The following CFAP20DC variants were observed in gnomAD, a reference collection of about 807,000 sequenced individuals.
CFAP20DC encodes protein CFAP20DC.
A neutral mutation model predicts 101.7 loss-of-function variants in CFAP20DC; 84 were observed. That is an observed-to-expected ratio of 0.83 (90% CI 0.69 to 0.99). CFAP20DC has a LOEUF of 0.99. Ranked by LOEUF, CFAP20DC falls within the 50% of genes least tolerant of loss-of-function variation. CFAP20DC has a pLI of 0.00. For missense variants in CFAP20DC, 1,007 were observed against 970.3 expected (o/e 1.04, Z -0.50); for synonymous variants, 359 against 351.2 (o/e 1.02, Z -0.25).
chr3:58,981,101 T>G (rs1295503422), intron 4 of CFAP20DC, among the ~76,000 whole-genome samples: 1 of 152,150 alleles, frequency 6.6e-6, no homozygotes, highest in Non-Finnish European at 1.5e-5. Context: ...GAACTCCCAT[T>G]CACAATTGCT....
intron 7 of CFAP20DC, 94 bp from the exon 8 acceptor site, chr3:58,870,403 T>A (rs185332562): frequency 7.7e-7 from 1 of 1,297,330 alleles, no homozygotes; most frequent in Non-Finnish European, 1.1e-6. Flanking sequence ...CCAGGTGCCA[T>A]AGGATCCAAA....
intron 4 of CFAP20DC, among the ~76,000 whole-genome samples, chr3:58,990,847 A>C (rs1206565437): frequency 6.6e-6 from 1 of 151,784 alleles, no homozygotes; most frequent in Non-Finnish European, 1.5e-5. Context: ...TTTGGTACCA[A>C]GCATTTCAAA....
At chr3:59,025,729 A>G (rs1405606726) in intron 4 of CFAP20DC, among the ~76,000 whole-genome samples, 2 of 152,152 alleles carry the variant, frequency 1.3e-5, no homozygotes, top group South Asian at 2.1e-4. Flanking sequence ...GTGCCCTGAT[A>G]ATTGATATGG....
chr3:58,809,401 C>T (rs1575705731), intron 14 of CFAP20DC, among the ~76,000 whole-genome samples: 2 of 152,178 alleles, frequency 1.3e-5, no homozygotes, highest in African/African-American at 4.8e-5. Flanking sequence ...AAGAAACTCA[C>T]TTAAAACCGC....
At chr3:58,808,035 A>G (rs144820542) in intron 14 of CFAP20DC, among the ~76,000 whole-genome samples, 8,417 of 152,192 alleles carry the variant, frequency 0.055, 519 homozygotes, top group East Asian at 0.35. Context: ...AAAGAAATGA[A>G]CAAAGCCTCC....
chr3:59,013,948 C>T (rs1038011026), intron 4 of CFAP20DC, among the ~76,000 whole-genome samples: 10 of 152,066 alleles, frequency 6.6e-5, no homozygotes, highest in Non-Finnish European at 1.5e-4. Context: ...AAATATTTGC[C>T]AACAGGATGA....
intron 15 of CFAP20DC, among the ~76,000 whole-genome samples, chr3:58,770,180 C>A (rs764988187): frequency 2.0e-5 from 3 of 152,194 alleles, no homozygotes; most frequent in Non-Finnish European, 4.4e-5. Flanking sequence ...CAAATCCAGA[C>A]ATCAGGCATT....
chr3:58,777,988 G>A (rs1581195), intron 15 of CFAP20DC, among the ~76,000 whole-genome samples: 4,161 of 152,274 alleles, frequency 0.027, 193 homozygotes, highest in African/African-American at 0.093. Context: ...GGAAGCCACA[G>A]GTAGTAATCC....
chr3:58,956,846 T>G (rs1295728700), intron 4 of CFAP20DC, among the ~76,000 whole-genome samples: 2 of 152,100 alleles, frequency 1.3e-5, no homozygotes, highest in African/African-American at 4.8e-5. Context: ...AGGGGAACAA[T>G]GACTGCCCAG....
chr3:58,770,167 G>A (rs910435208), intron 15 of CFAP20DC, among the ~76,000 whole-genome samples: 5 of 152,126 alleles, frequency 3.3e-5, no homozygotes, highest in Non-Finnish European at 5.9e-5. Context: ...AACTCTGGAG[G>A]CACAAATCCA....
intron 5 of CFAP20DC, among the ~76,000 whole-genome samples, chr3:58,927,720 T>C (rs1308576744): frequency 1.3e-5 from 2 of 152,186 alleles, no homozygotes; most frequent in East Asian, 3.8e-4. Context: ...AAGAGTGCTT[T>C]GGCAAAAACA....
intron 14 of CFAP20DC, among the ~76,000 whole-genome samples, chr3:58,816,347 G>C (rs955541339): frequency 6.6e-6 from 1 of 152,174 alleles, no homozygotes; most frequent in African/African-American, 2.4e-5. Flanking sequence ...CGACGCAGAA[G>C]ACGGGTGACT....
At chr3:58,990,702 T>C (rs545997154) in intron 4 of CFAP20DC, among the ~76,000 whole-genome samples, 75 of 152,112 alleles carry the variant, frequency 4.9e-4, no homozygotes, top group African/African-American at 1.7e-3. Flanking sequence ...TCAAAGGAAA[T>C]GCTCACTGGA....
At chr3:58,890,426 G>A (rs1159572276) in intron 6 of CFAP20DC, among the ~76,000 whole-genome samples, 7 of 142,984 alleles carry the variant, frequency 4.9e-5, no homozygotes, top group East Asian at 2.1e-4. Context: ...GTGGCTGGCC[G>A]GGCGGGGGGG....
intron 7 of CFAP20DC, 135 bp from the exon 8 acceptor site, chr3:58,870,444 A>T: frequency 1.3e-6 from 1 of 769,870 alleles, no homozygotes. Context: ...TGTATTAAAA[A>T]CACAGATACT....
intron 4 of CFAP20DC, among the ~76,000 whole-genome samples, chr3:58,944,927 G>C (rs185376688): frequency 1.3e-5 from 2 of 152,254 alleles, no homozygotes; most frequent in South Asian, 4.1e-4. Context: ...AGAAGGATTT[G>C]TTGACTTAGC....
At position 59,007,387 on chromosome 3, in the gene CFAP20DC, G is replaced by A. The variant is rs1691786600; in HGVS notation, c.278+32170C>T. On this transcript the variant is annotated intron_variant, in intron 4 of 16. Transcript: ENST00000482387. This position sits in a 1 kb window ranked among gnomAD's most constrained non-coding sequence, Gnocchi z 4.4. ...AGATCTCCCTTCTACTACTGCAGCT[G>A]GCGCTCTCTGGAAAGCACCACCTCC... 6.6e-6 allele frequency among the ~76,000 whole-genome samples: 1 copy of A among 152,148 alleles called. No homozygotes were observed. The highest frequency in any genetic ancestry group is 2.1e-4 in the South Asian group (1 of 4,822).
chr3:59,037,156 A>G (rs866958847), intron 4 of CFAP20DC, among the ~76,000 whole-genome samples: 2 of 152,142 alleles, frequency 1.3e-5, no homozygotes, highest in Admixed American at 6.6e-5. Flanking sequence ...ACTTAAATGT[A>G]AAACCTAAAA....
chr3:58,813,810 C>G (rs1179605022), intron 14 of CFAP20DC, among the ~76,000 whole-genome samples: 1 of 151,828 alleles, frequency 6.6e-6, no homozygotes, highest in Non-Finnish European at 1.5e-5. Context: ...GAACCAATAT[C>G]AATGCATCAC....
Sources: allele counts gnomAD v4.1 joint callset (sites outside exome capture counted in the v4.1 genomes callset), GRCh38; gene constraint gnomAD v4.1.1; non-coding constraint Gnocchi (gnomAD v3.1); transcripts MANE v1.5; gene names NCBI Gene and HGNC (gene_info 2026-07-23, HGNC 2026-07-21).